The following DDX59 variants were observed in gnomAD, a reference collection of about 807,000 sequenced individuals.
DDX59 encodes the protein DEAD-box helicase 59.
A neutral mutation model predicts 51.9 loss-of-function variants in DDX59; 30 were observed. The observed-to-expected ratio is 0.58, with a 90% CI of 0.43 to 0.78. The LOEUF is 0.78. Ranked by LOEUF, DDX59 falls within the 30% of genes least tolerant of loss-of-function variation. The pLI, the probability that DDX59 is intolerant of heterozygous loss-of-function variation, is 0.00. For synonymous variants in DDX59, 255 were observed against 253.3 expected, an observed-to-expected ratio of 1.01 and a Z score of -0.06; for missense variants, 672 against 730.8, an observed-to-expected ratio of 0.92 and a Z score of 0.93.
In DDX59 at chr1:200,666,140, G is replaced by A. The variant is rs1283344551; in HGVS notation, c.601C>T (p.Pro201Ser). The A allele has an allele frequency of 6.2e-7, 1 of 1,614,020 alleles. No homozygotes were observed. The highest frequency in any genetic ancestry group is 1.7e-5 in the Admixed American group (1 of 59,998). The part of the protein sequence containing the change: ...ILVQGQEVTR[P>S]IIDFEHCSLP... ...CTACAATGTTCAAAGTCAATAATGGGCCTGGTGACTTCTTGCCCTTGAACT... is the reference window on the plus strand; with the variant it reads ...CTACAATGTTCAAAGTCAATAATGGACCTGGTGACTTCTTGCCCTTGAACT... Residue 201 changes from proline (P) to serine (S), a missense_variant, in exon 2 of 8, where the codon CCC becomes TCC. Physicochemically the swap from Pro to Ser is moderately conservative, Grantham distance 74. Transcript: ENST00000331314.
chr1:200,653,393 T>C (rs1661795375), intron 4 of DDX59, among the ~76,000 whole-genome samples: 1 of 152,168 alleles, frequency 6.6e-6, no homozygotes, highest in Non-Finnish European at 1.5e-5. Flanking sequence ...CTTTACCACT[T>C]GACACTGACT....
intron 3 of DDX59, among the ~76,000 whole-genome samples, chr1:200,659,730 C>T (rs1451541247): frequency 1.3e-5 from 2 of 152,138 alleles, no homozygotes; most frequent in South Asian, 2.1e-4. Context: ...GATATAATCT[C>T]GCTCTGTCAC....
chr1:200,657,249 C>CAAAAAAAAAAAAAAAAAAAAAAAAAAAA (rs147751957), intron 4 of DDX59, among the ~76,000 whole-genome samples: 1 of 77,668 alleles, frequency 1.3e-5, no homozygotes. Flanking sequence ...AAACTGTCTA[C>CAAAAAAAAAAAAAAAAAAAAAAAAAAAA]AAAAAAAAAA....
At chr1:200,655,462 G>C (rs1661961343) in intron 4 of DDX59, among the ~76,000 whole-genome samples, 1 of 152,118 alleles carries the variant, frequency 6.6e-6, no homozygotes, top group Non-Finnish European at 1.5e-5. Context: ...CAATAATTTA[G>C]AAAGCCTCAC....
intron 5 of DDX59, among the ~76,000 whole-genome samples, chr1:200,649,628 C>CAAAAA: frequency 8.3e-6 from 1 of 120,706 alleles, no homozygotes; most frequent in Non-Finnish European, 1.6e-5. Context: ...GATTCCGTCA[C>CAAAAA]AAAAAAAAAA....
chr1:200,665,564 A>T (rs1353108571), intron 2 of DDX59, among the ~76,000 whole-genome samples: 1 of 152,208 alleles, frequency 6.6e-6, no homozygotes, highest in African/African-American at 2.4e-5. Flanking sequence ...CAGTTTCTTC[A>T]AAACACAAAA....
At chr1:200,650,754 T>A in intron 4 of DDX59, 78 bp from the exon 5 acceptor site, 1 of 1,284,440 alleles carries the variant, frequency 7.8e-7, no homozygotes, top group Middle Eastern at 2.0e-4. Flanking sequence ...CTGATATAAT[T>A]AACAATATAA....
At chr1:200,650,246 C>T (rs1433092129) in intron 5 of DDX59, among the ~76,000 whole-genome samples, 179 bp downstream of exon 5, 1 of 152,152 alleles carries the variant, frequency 6.6e-6, no homozygotes, top group African/African-American at 2.4e-5. Flanking sequence ...ATCTATCCAA[C>T]ATGTTTTCCC....
At position 200,666,111 on chromosome 1, in the gene DDX59, G is replaced by A. The variant is rs1444651561; in HGVS notation, c.630C>T (p.Leu210=). 6.2e-7 allele frequency: 1 copy of A among 1,614,186 alleles called. No homozygotes were observed. Among genetic ancestry groups the A allele is most frequent in the East Asian group, 2.2e-5 (1 of 44,888 alleles). ...RPIIDFEHCS[L]PEVLNHNLKK... Reference sequence around the variant, plus strand: ...TCAAGTTGTGATTTAAGACCTCAGGGAGACTACAATGTTCAAAGTCAATAA... The same window carrying A: ...TCAAGTTGTGATTTAAGACCTCAGGAAGACTACAATGTTCAAAGTCAATAA... Residue 210 remains leucine, a synonymous_variant, in exon 2 of 8, where the codon CTC becomes CTT. Transcript: ENST00000331314.
At position 200,656,073 on chromosome 1, in the gene DDX59, G is replaced by A. The variant is rs112501664; in HGVS notation, c.1062+2954C>T. 3.0e-3 allele frequency among the ~76,000 whole-genome samples: 449 copies of A among 152,164 alleles called. 3 individuals are homozygous for A. Among genetic ancestry groups the A allele is most frequent in the African/African-American group, 0.01 (431 of 41,520 alleles). On this transcript the variant is annotated intron_variant, in intron 4 of 7. Transcript: ENST00000331314. ...TTGCACTCCTGACCTCAGGTGATCC[G>A]CCCACCTCGGCCTCCCAAAGTACTG... is the stretch of plus-strand genomic sequence containing the variant.
chr1:200,669,608 G>C (rs1239034010), intron 1 of DDX59, 159 bp downstream of exon 1: 1 of 152,346 alleles, frequency 6.6e-6, no homozygotes, highest in African/African-American at 2.4e-5. Flanking sequence ...GAGACGGGCG[G>C]GGCTCCGGTT....
downstream of DDX59, among the ~76,000 whole-genome samples, chr1:200,643,536 G>T (rs185440681): frequency 1.3e-5 from 2 of 152,024 alleles, no homozygotes; most frequent in Non-Finnish European, 2.9e-5. Flanking sequence ...CCAGCTACTT[G>T]GGAGGCTGAG....
chr1:200,668,828 T>C (rs562226219), intron 1 of DDX59, among the ~76,000 whole-genome samples: 14 of 152,250 alleles, frequency 9.2e-5, no homozygotes, highest in Non-Finnish European at 1.9e-4. Flanking sequence ...GTCTCCACAA[T>C]CCTTTATCTC....
chr1:200,642,886 G>A (rs1170709392), downstream of DDX59, among the ~76,000 whole-genome samples: 1 of 152,108 alleles, frequency 6.6e-6, no homozygotes, highest in Non-Finnish European at 1.5e-5. Context: ...AGTTTAAAGT[G>A]AGAGCTGGCA....
chr1:200,656,131 T>C (rs973259698), intron 4 of DDX59, among the ~76,000 whole-genome samples: 3 of 152,090 alleles, frequency 2.0e-5, no homozygotes, highest in African/African-American at 2.4e-5. Context: ...TGCCTGGCCA[T>C]ACAGTTCAAT....
intron 2 of DDX59, 54 bp from the exon 3 acceptor site, chr1:200,664,140 T>C (rs938058610): frequency 1.3e-6 from 2 of 1,569,814 alleles, no homozygotes; most frequent in Admixed American, 1.8e-5. Flanking sequence ...TTCCTGCTGA[T>C]ATGAACTAAA....
intron 6 of DDX59, 48 bp from the exon 7 acceptor site, chr1:200,648,615 G>T: frequency 6.4e-7 from 1 of 1,566,436 alleles, no homozygotes; most frequent in South Asian, 1.2e-5. Context: ...TATTTTGTGT[G>T]GTTTTGTGTA....
intron 4 of DDX59, among the ~76,000 whole-genome samples, chr1:200,651,255 A>G (rs1386190049): frequency 2.0e-5 from 3 of 152,148 alleles, no homozygotes; most frequent in African/African-American, 7.2e-5. Context: ...TATTATTTTA[A>G]ATAAAAGTTA....
chr1:200,641,870 G>A (rs1229011678), downstream of DDX59, among the ~76,000 whole-genome samples: 1 of 152,192 alleles, frequency 6.6e-6, no homozygotes, highest in Admixed American at 6.5e-5. Context: ...GGGCGTGGTG[G>A]TGTACAGCTG....
Sources: allele counts gnomAD v4.1 joint callset (sites outside exome capture counted in the v4.1 genomes callset), GRCh38; gene constraint gnomAD v4.1.1; transcripts MANE v1.5; gene names NCBI Gene and HGNC (gene_info 2026-07-23, HGNC 2026-07-21).